Variants in PRKD1 observed in about 807,000 individuals in gnomAD.
The protein encoded by PRKD1 is protein kinase D1, also known as serine/threonine-protein kinase D1.
PRKD1 carries 63 observed loss-of-function variants against 95.9 expected under a neutral mutation model. The ratio of observed to expected loss-of-function variants is 0.66; its 90% CI spans 0.54 to 0.81. The LOEUF is 0.81. Among genes scored for constraint, PRKD1 ranks in the 30% least tolerant of loss-of-function variants. The pLI is 0.00. For missense variants in PRKD1, 1,048 were observed against 1,165.3 expected (o/e 0.90, Z 1.47); for synonymous variants, 425 against 423.1 (o/e 1.00, Z -0.05).
At chr14:29,690,954 G>C (rs773308464) in intron 2 of PRKD1, among the ~76,000 whole-genome samples, 15 of 152,086 alleles carry the variant, frequency 9.9e-5, no homozygotes, top group Non-Finnish European at 1.9e-4. Context: ...TCTTTACCGT[G>C]GTAATGTATG....
chr14:29,613,097 C>A (rs1421857624), intron 13 of PRKD1, among the ~76,000 whole-genome samples: 4 of 150,052 alleles, frequency 2.7e-5, no homozygotes, highest in Admixed American at 6.6e-5. Context: ...GACTCTGTCT[C>A]AAAAAAAAAA....
At chr14:29,734,351 T>C (rs1886615271) in intron 1 of PRKD1, among the ~76,000 whole-genome samples, 1 of 152,162 alleles carries the variant, frequency 6.6e-6, no homozygotes, top group Non-Finnish European at 1.5e-5. Context: ...CCTGCTTTTT[T>C]ATATGTGTAA....
At chr14:29,669,606 G>A (rs765304895) in intron 2 of PRKD1, among the ~76,000 whole-genome samples, 7 of 152,140 alleles carry the variant, frequency 4.6e-5, no homozygotes, top group Non-Finnish European at 1.0e-4. Context: ...AGTGGCTCAC[G>A]CCTGGGATCC....
At chr14:29,856,997 C>T (rs1175902426) in intron 1 of PRKD1, among the ~76,000 whole-genome samples, 2 of 152,176 alleles carry the variant, frequency 1.3e-5, no homozygotes, top group Non-Finnish European at 2.9e-5. Flanking sequence ...CAGGATCAAA[C>T]AAACCCAAGT....
At chr14:29,839,530 G>T (rs1451588412) in intron 1 of PRKD1, among the ~76,000 whole-genome samples, 1 of 152,124 alleles carries the variant, frequency 6.6e-6, no homozygotes, top group African/African-American at 2.4e-5. Flanking sequence ...GGGGTCTGGA[G>T]GACGGTGGCC....
At chr14:29,592,185 C>T (rs907529769) in intron 16 of PRKD1, among the ~76,000 whole-genome samples, 5 of 151,684 alleles carry the variant, frequency 3.3e-5, no homozygotes, top group African/African-American at 1.2e-4. Flanking sequence ...GAGGGATATA[C>T]TGGAGGATAA....
chr14:29,746,295 C>T (rs994440571), intron 1 of PRKD1, among the ~76,000 whole-genome samples: 7 of 152,008 alleles, frequency 4.6e-5, no homozygotes, highest in Non-Finnish European at 1.0e-4. Flanking sequence ...ATAACCACAC[C>T]AACTTGGCTT....
intron 16 of PRKD1, among the ~76,000 whole-genome samples, chr14:29,579,304 T>A (rs1892676769): frequency 1.3e-5 from 2 of 152,048 alleles, no homozygotes; most frequent in African/African-American, 4.8e-5. Context: ...GTTTCTCTTT[T>A]TGAATTTTAG....
At chr14:29,620,371 C>G (rs1879164185) in intron 13 of PRKD1, among the ~76,000 whole-genome samples, 1 of 149,326 alleles carries the variant, frequency 6.7e-6, no homozygotes, top group African/African-American at 2.5e-5. Flanking sequence ...ACGAAACTAC[C>G]ATCAGAGTGA....
At chr14:29,779,058 G>A (rs1189954967) in intron 1 of PRKD1, among the ~76,000 whole-genome samples, 1 of 152,182 alleles carries the variant, frequency 6.6e-6, no homozygotes, top group African/African-American at 2.4e-5. Context: ...CTGAATAGAT[G>A]CAGAAAAGGC....
At chr14:29,765,669 T>A (rs755974317) in intron 1 of PRKD1, among the ~76,000 whole-genome samples, 2 of 152,182 alleles carry the variant, frequency 1.3e-5, no homozygotes, top group Non-Finnish European at 2.9e-5. Context: ...GATTTTGGTA[T>A]AGGCACATGG....
chr14:29,696,034 T>A (rs1291632247), intron 2 of PRKD1, among the ~76,000 whole-genome samples: 1 of 152,218 alleles, frequency 6.6e-6, no homozygotes, highest in Non-Finnish European at 1.5e-5. Context: ...TAGGAGTGAG[T>A]GAGTCTTACA....
At chr14:29,896,763 G>A (rs1894143843) in intron 1 of PRKD1, among the ~76,000 whole-genome samples, 2 of 150,772 alleles carry the variant, frequency 1.3e-5, no homozygotes, top group South Asian at 4.2e-4. Context: ...GAACCTCCTT[G>A]CCTTCTGTCA....
At position 29,608,535 on chromosome 14, in the gene PRKD1, T is replaced by G. The variant is rs539570272; in HGVS notation, c.1906-8718A>C. ...AAATGAAGCCCAAATTATACATTTTTCTCAAGGATGCTTACTTTTCTCCCC... is the reference window on the plus strand; with the variant it reads ...AAATGAAGCCCAAATTATACATTTTGCTCAAGGATGCTTACTTTTCTCCCC... On this transcript the variant is annotated intron_variant, in intron 13 of 17. Coordinates refer to ENST00000331968, the MANE Select transcript of PRKD1 (RefSeq NM_002742.3). Among the ~76,000 whole-genome samples, 3 of 152,334 alleles carry G rather than the reference T, an allele frequency of 2.0e-5. No individual in the cohort carries two copies. In the South Asian group the frequency reaches 6.2e-4, roughly 32 times the overall value.
intron 1 of PRKD1, among the ~76,000 whole-genome samples, chr14:29,747,414 T>C (rs1887277909): frequency 6.6e-6 from 1 of 151,974 alleles, no homozygotes; most frequent in Non-Finnish European, 1.5e-5. Context: ...GTTAAACATA[T>C]CATTACCATA....
In PRKD1 at chr14:29,664,860, C is replaced by T. The variant is rs45587441; in HGVS notation, c.536-1001G>A. 1.6e-3 allele frequency among the ~76,000 whole-genome samples: 237 copies of T among 152,286 alleles called. 2 individuals carry two copies. The East Asian group carries it at 0.035, about 23-fold the overall frequency. ...AAATGCAGATACATGTTCCAGCTCG[C>T]GACTCAACAGCTGAGTGAACTTAGA... On this transcript the variant is annotated intron_variant, in intron 3 of 17. Coordinates refer to ENST00000331968, the MANE Select transcript of PRKD1 (RefSeq NM_002742.3).
intron 1 of PRKD1, among the ~76,000 whole-genome samples, chr14:29,787,215 G>GTTTTTT (rs34161174): frequency 2.0e-4 from 17 of 85,244 alleles, no homozygotes; most frequent in African/African-American, 5.9e-4. Context: ...TTTGTTCAGT[G>GTTTTTT]TTTTTTTTTT....
At chr14:29,752,483 G>A (rs1887523422) in intron 1 of PRKD1, among the ~76,000 whole-genome samples, 4 of 152,038 alleles carry the variant, frequency 2.6e-5, no homozygotes, top group African/African-American at 9.7e-5. Context: ...GGCTGGAGGT[G>A]AAGTCAGTAG....
intron 4 of PRKD1, among the ~76,000 whole-genome samples, chr14:29,643,591 T>C (rs571251957): frequency 1.3e-3 from 197 of 152,328 alleles, no homozygotes; most frequent in African/African-American, 4.7e-3. Context: ...AGGAAATGAT[T>C]GCTTAGATTA....
Sources: allele counts gnomAD v4.1 joint callset (sites outside exome capture counted in the v4.1 genomes callset), GRCh38; gene constraint gnomAD v4.1.1; transcripts MANE v1.5; gene names NCBI Gene and HGNC (gene_info 2026-07-23, HGNC 2026-07-21).